Variants in RIT2 observed in about 807,000 individuals in gnomAD.
The protein encoded by RIT2 is GTP-binding protein Rit2.
Under a neutral mutation model 23.7 loss-of-function variants are expected in RIT2, and 24 were observed. The ratio of observed to expected loss-of-function variants is 1.01; its 90% confidence interval spans 0.73 to 1.43. RIT2 has a LOEUF of 1.43. Among genes scored for constraint, RIT2 ranks in the 40% most tolerant of loss-of-function variants. The pLI, the probability that RIT2 is intolerant of heterozygous loss-of-function variation, is 0.00. For missense variants in RIT2, 236 were observed against 266.9 expected (o/e 0.88, Z 0.81); for synonymous variants, 107 against 91.1 (o/e 1.17, Z -0.99).
chr18:43,094,408 C>A (rs1345518720), intron 1 of RIT2, among the ~76,000 whole-genome samples: 1 of 151,730 alleles, frequency 6.6e-6, no homozygotes, highest in East Asian at 1.9e-4. Flanking sequence ...TATATATTTT[C>A]TTTTAGCTGG....
chr18:42,847,667 A>T (rs1258669918), intron 4 of RIT2, among the ~76,000 whole-genome samples: 1 of 152,056 alleles, frequency 6.6e-6, no homozygotes, highest in Non-Finnish European at 1.5e-5. Context: ...CTTTTAAATT[A>T]TATTTTTACT....
chr18:42,982,908 TTA>T (rs1490622480), intron 2 of RIT2, among the ~76,000 whole-genome samples: 1 of 152,096 alleles, frequency 6.6e-6, no homozygotes, highest in Non-Finnish European at 1.5e-5. Flanking sequence ...CTGTTCAAAT[TTA>T]TGTCATGATT....
intron 4 of RIT2, among the ~76,000 whole-genome samples, chr18:42,821,172 T>C (rs973311251): frequency 1.3e-5 from 2 of 152,138 alleles, no homozygotes; most frequent in Non-Finnish European, 2.9e-5. Flanking sequence ...AGATATTCTT[T>C]TATAGCAATG....
intron 2 of RIT2, among the ~76,000 whole-genome samples, chr18:42,998,165 C>A (rs2144238051): frequency 6.6e-6 from 1 of 152,208 alleles, no homozygotes; most frequent in African/African-American, 2.4e-5. Flanking sequence ...CATTGTTTTA[C>A]TGGGAATTCC....
At chr18:42,807,609 C>A (rs181138523) in intron 4 of RIT2, among the ~76,000 whole-genome samples, 1 of 152,156 alleles carries the variant, frequency 6.6e-6, no homozygotes, top group South Asian at 2.1e-4. Context: ...AAGAGCGAAA[C>A]TCCGTCTCAA....
chr18:42,961,571 A>G (rs1910094338), intron 3 of RIT2, among the ~76,000 whole-genome samples: 1 of 152,196 alleles, frequency 6.6e-6, no homozygotes, highest in Non-Finnish European at 1.5e-5. Flanking sequence ...AGGAGTATAC[A>G]TGGCACCTAC....
At chr18:42,960,371 G>A (rs1910067744) in intron 3 of RIT2, among the ~76,000 whole-genome samples, 1 of 152,170 alleles carries the variant, frequency 6.6e-6, no homozygotes, top group Non-Finnish European at 1.5e-5. Context: ...GTGAAGTGCA[G>A]TGGCACGATC....
chr18:42,893,738 A>G (rs1908245809), intron 4 of RIT2, among the ~76,000 whole-genome samples: 1 of 152,206 alleles, frequency 6.6e-6, no homozygotes, highest in African/African-American at 2.4e-5. Flanking sequence ...AGTATCTATA[A>G]TGAAGATAGA....
chr18:43,107,902 G>A (rs572766840), intron 1 of RIT2, among the ~76,000 whole-genome samples: 3 of 151,876 alleles, frequency 2.0e-5, no homozygotes, highest in South Asian at 2.1e-4. Context: ...AGTGGCTCAC[G>A]CCTGTAACCC....
chr18:42,971,965 C>G (rs1228195562), intron 3 of RIT2, among the ~76,000 whole-genome samples: 2 of 151,940 alleles, frequency 1.3e-5, no homozygotes, highest in African/African-American at 4.8e-5. Context: ...CCAGGTAAGT[C>G]CATGTAAATA....
At chr18:43,043,260 A>C (rs980863416) in intron 1 of RIT2, among the ~76,000 whole-genome samples, 5 of 152,172 alleles carry the variant, frequency 3.3e-5, no homozygotes, top group Non-Finnish European at 7.4e-5. Context: ...GTTAGGTTAC[A>C]GAGCAATATC....
chr18:42,950,461 A>G (rs1909823757), intron 3 of RIT2, among the ~76,000 whole-genome samples: 1 of 152,128 alleles, frequency 6.6e-6, no homozygotes, highest in African/African-American at 2.4e-5. Flanking sequence ...CCTAGGAAAC[A>G]CCATTCTGGA....
At chr18:43,091,543 GT>G (rs1913423489) in intron 1 of RIT2, among the ~76,000 whole-genome samples, 1 of 152,052 alleles carries the variant, frequency 6.6e-6, no homozygotes, top group Admixed American at 6.6e-5. Flanking sequence ...TAAGCAGCAT[GT>G]CATGATTATC....
At chr18:42,994,054 C>A (rs1447353071) in intron 2 of RIT2, among the ~76,000 whole-genome samples, 1 of 152,136 alleles carries the variant, frequency 6.6e-6, no homozygotes, top group Non-Finnish European at 1.5e-5. Context: ...CTATCCACCC[C>A]GTGGTGCCAA....
chr18:43,049,609 G>T (rs1009307300), intron 1 of RIT2, among the ~76,000 whole-genome samples: 7 of 152,128 alleles, frequency 4.6e-5, no homozygotes, highest in African/African-American at 1.4e-4. Context: ...TTCTAATTTA[G>T]CAAAGAAGAG....
chr18:42,852,279 T>C (rs1026437883), intron 4 of RIT2, among the ~76,000 whole-genome samples: 3 of 152,226 alleles, frequency 2.0e-5, no homozygotes, highest in Non-Finnish European at 4.4e-5. Context: ...TTAAAATCTA[T>C]GATTACAGCT....
chr18:42,814,273 G>A (rs139797017), intron 4 of RIT2, among the ~76,000 whole-genome samples: 1 of 152,212 alleles, frequency 6.6e-6, no homozygotes, highest in Non-Finnish European at 1.5e-5. Flanking sequence ...GGCAGGGGAA[G>A]AAGGAAAGCC....
At chr18:43,091,549 A>G (rs1239974834) in intron 1 of RIT2, among the ~76,000 whole-genome samples, 1 of 151,988 alleles carries the variant, frequency 6.6e-6, no homozygotes, top group Non-Finnish European at 1.5e-5. Flanking sequence ...GCATGTCATG[A>G]TTATCTTCAT....
rs1482763790 is a variant in RIT2 at position 43,099,820 on chromosome 18, TCTC to T, written c.103+15594_103+15596del. Reference sequence around the variant, plus strand: ...TCATTTTTGGCTTAGGCCCCAACGCTCTCCTATCAATCACTAAATGCTTTTGGC... The same window carrying T: ...TCATTTTTGGCTTAGGCCCCAACGCTCTATCAATCACTAAATGCTTTTGGC... On this transcript the variant is annotated intron_variant, in intron 1 of 4. Transcript: ENST00000326695. 2.6e-5 allele frequency among the ~76,000 whole-genome samples: 4 copies of T among 152,236 alleles called. No homozygotes were observed. The South Asian group carries it at 6.2e-4, about 24-fold the overall frequency.
Sources: allele counts gnomAD v4.1 joint callset (sites outside exome capture counted in the v4.1 genomes callset), GRCh38; gene constraint gnomAD v4.1.1; transcripts MANE v1.5; gene names NCBI Gene and HGNC (gene_info 2026-07-23, HGNC 2026-07-21).